The following EEA1 variants were observed in gnomAD, a reference collection of about 807,000 sequenced individuals.
EEA1 encodes early endosome antigen 1, 162kD.
A neutral mutation model predicts 209.2 loss-of-function variants in EEA1; 111 were observed. The ratio of observed to expected loss-of-function variants is 0.53; its 90% CI spans 0.45 to 0.62. EEA1 has a LOEUF of 0.62. Ranked by LOEUF, EEA1 falls within the 20% of genes least tolerant of loss-of-function variation. The probability of loss-of-function intolerance (pLI) is 0.00; values close to 1 mark genes in which losing one functional copy is unlikely to be tolerated. For missense variants in EEA1, 1,343 were observed against 1,530.8 expected (o/e 0.88, Z 2.05); for synonymous variants, 536 against 540.6 (o/e 0.99, Z 0.12).
At chr12:92,819,557 A>ACTTTGGGAGGCCG in intron 13 of EEA1, 46 bp from the exon 14 acceptor site, 1 of 1,337,858 alleles carries the variant, frequency 7.5e-7, no homozygotes. Flanking sequence ...AGAACTTAAA[A>ACTTTGGGAGGCCG]AGTTATTCCT....
chr12:92,896,756 G>A (rs968221097), intron 1 of EEA1, among the ~76,000 whole-genome samples: 1 of 151,160 alleles, frequency 6.6e-6, no homozygotes, highest in Non-Finnish European at 1.5e-5. Flanking sequence ...AGCCAAGATC[G>A]CACCACTGAA....
chr12:92,925,139 T>C (rs1485554251), intron 1 of EEA1, among the ~76,000 whole-genome samples: 1 of 147,210 alleles, frequency 6.8e-6, no homozygotes, highest in African/African-American at 2.5e-5. Flanking sequence ...ACTTTACCCA[T>C]CATTGTCTGC....
Position 92,799,053 on chromosome 12 carries a change from T to A in EEA1, c.2806A>T (p.Met936Leu). Residue 936 changes from methionine (M) to leucine (L), a missense_variant, in exon 21 of 29, where the codon ATG becomes TTG. Physicochemically the swap from Met to Leu is conservative, Grantham distance 15. This residue lies in a region of EEA1 where 1,307 missense variants were observed against 1,465.5 expected (regional missense o/e 0.89). Transcript: ENST00000322349. ...SHQLKLELNS[M>L]QEQLIQAQNT... ...TGGGCCTGTATAAGTTGTTCCTGCATTGAATTGAGTTCCAATTTCAACTGA... is the reference window on the plus strand; with the variant it reads ...TGGGCCTGTATAAGTTGTTCCTGCAATGAATTGAGTTCCAATTTCAACTGA... 1 of 1,600,186 alleles carries A rather than the reference T, an allele frequency of 6.2e-7. No individual in the cohort carries two copies. The highest frequency in any genetic ancestry group is 8.5e-7 in the Non-Finnish European group (1 of 1,176,230).
chr12:92,819,198 T>C, intron 14 of EEA1, 110 bp downstream of exon 14: 1 of 1,010,654 alleles, frequency 9.9e-7, no homozygotes, highest in East Asian at 2.8e-5. Flanking sequence ...ATATAACACT[T>C]AAAATGTGCT....
intron 1 of EEA1, among the ~76,000 whole-genome samples, chr12:92,926,037 A>G (rs1223398304): frequency 1.3e-5 from 2 of 151,432 alleles, no homozygotes; most frequent in Non-Finnish European, 2.9e-5. Flanking sequence ...CTTGTTGCTC[A>G]GGCTGGAGTG....
chr12:92,813,114 T>TAA (rs763513083), intron 15 of EEA1, 21 bp from the exon 16 acceptor site: 2 of 1,439,204 alleles, frequency 1.4e-6, no homozygotes, highest in Admixed American at 3.7e-5. Context: ...ATTTACAAAT[T>TAA]ATTTAATTTA....
intron 15 of EEA1, among the ~76,000 whole-genome samples, chr12:92,813,692 C>T (rs1247627861): frequency 6.6e-6 from 1 of 152,108 alleles, no homozygotes; most frequent in Non-Finnish European, 1.5e-5. Flanking sequence ...TGTTGGAATA[C>T]CTTTAGTACA....
At chr12:92,796,455 C>G (rs1220345481) in intron 21 of EEA1, among the ~76,000 whole-genome samples, 1 of 131,154 alleles carries the variant, frequency 7.6e-6, no homozygotes, top group Non-Finnish European at 1.8e-5. Context: ...TGTAGTATTA[C>G]TTTTTATTTA....
intron 21 of EEA1, among the ~76,000 whole-genome samples, chr12:92,794,074 C>T (rs908416620): frequency 9.2e-5 from 14 of 152,106 alleles, no homozygotes; most frequent in African/African-American, 2.2e-4. Flanking sequence ...GCAAAGGATA[C>T]GAACAGACAC....
intron 2 of EEA1, among the ~76,000 whole-genome samples, chr12:92,872,919 A>T (rs1878717991): frequency 6.6e-6 from 1 of 152,138 alleles, no homozygotes; most frequent in East Asian, 1.9e-4. Flanking sequence ...ACACCACTGC[A>T]CTCCAGCCTG....
intron 1 of EEA1, among the ~76,000 whole-genome samples, chr12:92,910,394 G>A (rs1160661138): frequency 2.0e-5 from 3 of 148,558 alleles, no homozygotes; most frequent in Admixed American, 1.3e-4. Flanking sequence ...GCTTGAACTC[G>A]GGAGGCGGAG....
intron 11 of EEA1, among the ~76,000 whole-genome samples, chr12:92,831,461 A>G (rs547519973): frequency 8.0e-5 from 12 of 149,612 alleles, no homozygotes; most frequent in African/African-American, 2.9e-4. Flanking sequence ...AGTTCAAAAT[A>G]TGAGCTATAT....
intron 23 of EEA1, 95 bp from the exon 24 acceptor site, chr12:92,780,506 G>C: frequency 1.1e-6 from 1 of 901,478 alleles, no homozygotes; most frequent in Non-Finnish European, 1.6e-6. Flanking sequence ...GATGACACTG[G>C]CTCTGCCCTT....
At chr12:92,925,292 G>A (rs371919499) in intron 1 of EEA1, among the ~76,000 whole-genome samples, 2 of 151,806 alleles carry the variant, frequency 1.3e-5, no homozygotes, top group African/African-American at 2.4e-5. Context: ...TTGGCTCACT[G>A]CAACCTCTGC....
At chr12:92,828,167 C>G (rs1255401914) in intron 11 of EEA1, 106 bp from the exon 12 acceptor site, 5 of 917,734 alleles carry the variant, frequency 5.4e-6, no homozygotes, top group Non-Finnish European at 7.3e-6. Flanking sequence ...AGTACAATAT[C>G]TTAATTTTCG....
intron 13 of EEA1, among the ~76,000 whole-genome samples, chr12:92,825,340 A>G (rs1876243269): frequency 6.6e-6 from 1 of 152,042 alleles, no homozygotes; most frequent in Admixed American, 6.5e-5. Flanking sequence ...AGTCCCAGCT[A>G]CTACCCGGGA....
intron 11 of EEA1, 74 bp downstream of exon 11, chr12:92,832,438 G>A: frequency 7.3e-7 from 1 of 1,375,098 alleles, no homozygotes; most frequent in East Asian, 2.3e-5. Context: ...ACTATATTAT[G>A]ATCAAATAAC....
intron 12 of EEA1, among the ~76,000 whole-genome samples, chr12:92,826,935 T>C (rs1876337387): frequency 6.6e-6 from 1 of 152,194 alleles, no homozygotes; most frequent in Admixed American, 6.5e-5. Flanking sequence ...TCAGTATTTC[T>C]TTTATTTTTT....
intron 2 of EEA1, among the ~76,000 whole-genome samples, chr12:92,868,120 CG>C (rs1205006381): frequency 6.6e-6 from 1 of 152,102 alleles, no homozygotes; most frequent in Non-Finnish European, 1.5e-5. Context: ...AATGAGCAAA[CG>C]GTAGTATTGA....
Sources: gnomAD v4.1 joint callset for allele counts (sites outside exome capture counted in the v4.1 genomes callset) on GRCh38, gnomAD v4.1.1 for gene constraint, gnomAD v4.1.1 regional missense constraint, MANE v1.5 for transcripts, NCBI Gene and HGNC (gene_info 2026-07-23, HGNC 2026-07-21) for gene names.